Variants in SPAG16 observed in about 807,000 individuals in gnomAD.
SPAG16 encodes sperm associated antigen 16, also known as sperm-associated antigen 16 protein.
A neutral mutation model predicts 80.4 loss-of-function variants in SPAG16; 86 were observed. The observed-to-expected ratio is 1.07, with a 90% CI of 0.90 to 1.28. SPAG16 has a LOEUF of 1.28. Among genes scored for constraint, SPAG16 ranks in the 50% most tolerant of loss-of-function variants. The pLI is 0.00. For synonymous variants in SPAG16, 294 were observed against 265.9 expected, an observed-to-expected ratio of 1.11 and a Z score of -1.03; for missense variants, 870 against 765.3, an observed-to-expected ratio of 1.14 and a Z score of -1.61.
intron 15 of SPAG16, among the ~76,000 whole-genome samples, chr2:214,353,056 C>T (rs1698529726): frequency 6.6e-6 from 1 of 152,160 alleles, no homozygotes; most frequent in South Asian, 2.1e-4. Flanking sequence ...GCCCTTTCTA[C>T]TTGCATCTTC....
At chr2:213,861,711 C>T (rs187128231) in intron 10 of SPAG16, among the ~76,000 whole-genome samples, 1 of 152,218 alleles carries the variant, frequency 6.6e-6, no homozygotes, top group Admixed American at 6.5e-5. Context: ...CAGGCATTAA[C>T]CTTGTAGACT....
intron 9 of SPAG16, among the ~76,000 whole-genome samples, chr2:213,439,637 G>A (rs1004870196): frequency 6.6e-6 from 1 of 152,128 alleles, no homozygotes; most frequent in African/African-American, 2.4e-5. Flanking sequence ...AGATAATTAA[G>A]GGAAGAACTG....
At chr2:213,514,756 C>T (rs60281335) in intron 10 of SPAG16, among the ~76,000 whole-genome samples, 13,013 of 151,692 alleles carry the variant, frequency 0.086, 1,396 homozygotes, top group African/African-American at 0.25. Context: ...ATAATTTTAA[C>T]ACTGAAATTA....
intron 12 of SPAG16, among the ~76,000 whole-genome samples, chr2:214,008,440 TA>T (rs537087185): frequency 0.011 from 1,608 of 149,104 alleles, 32 homozygotes; most frequent in African/African-American, 0.036. Context: ...ATGTAGCATT[TA>T]AAAAAAAAAA....
chr2:213,423,093 A>C (rs1332612907), intron 9 of SPAG16, among the ~76,000 whole-genome samples: 2 of 152,192 alleles, frequency 1.3e-5, no homozygotes, highest in South Asian at 2.1e-4. Context: ...TGTTGATATA[A>C]ACTTTTATCT....
chr2:213,595,918 C>A (rs1168767428), intron 10 of SPAG16, among the ~76,000 whole-genome samples: 3 of 151,984 alleles, frequency 2.0e-5, no homozygotes, highest in Non-Finnish European at 4.4e-5. Context: ...ACTTTGATCA[C>A]CATTGTATAC....
intron 15 of SPAG16, among the ~76,000 whole-genome samples, chr2:214,310,309 A>G (rs765544120): frequency 6.6e-6 from 1 of 151,970 alleles, no homozygotes; most frequent in Non-Finnish European, 1.5e-5. Context: ...GTATGAATTC[A>G]TTGGTTATAG....
chr2:213,669,157 A>G (rs2125213634), intron 10 of SPAG16, among the ~76,000 whole-genome samples: 1 of 152,314 alleles, frequency 6.6e-6, no homozygotes, highest in Admixed American at 6.5e-5. Context: ...TTTTCAAACT[A>G]AAGTTGAGAA....
intron 10 of SPAG16, among the ~76,000 whole-genome samples, chr2:213,641,941 C>T (rs921709848): frequency 3.9e-5 from 6 of 152,172 alleles, no homozygotes; most frequent in African/African-American, 1.4e-4. Context: ...CACATACTTG[C>T]AAAACCATCA....
intron 15 of SPAG16, among the ~76,000 whole-genome samples, chr2:214,282,885 G>C (rs1185567876): frequency 6.6e-6 from 1 of 152,076 alleles, no homozygotes; most frequent in Non-Finnish European, 1.5e-5. Context: ...TAGCAGAGTG[G>C]ATTTTCTAAA....
chr2:213,849,189 G>A (rs1172535969), intron 10 of SPAG16, among the ~76,000 whole-genome samples: 1 of 152,106 alleles, frequency 6.6e-6, no homozygotes, highest in African/African-American at 2.4e-5. Context: ...CACACGGCAG[G>A]AGATGAAACG....
intron 10 of SPAG16, among the ~76,000 whole-genome samples, chr2:213,608,408 G>A (rs1450448427): frequency 6.6e-6 from 1 of 152,100 alleles, no homozygotes; most frequent in Non-Finnish European, 1.5e-5. Context: ...CCACCTATGA[G>A]TGAGAACATG....
At chr2:213,404,013 C>T (rs1435205027) in intron 9 of SPAG16, among the ~76,000 whole-genome samples, 33 of 151,976 alleles carry the variant, frequency 2.2e-4, no homozygotes. Context: ...ATGTGAAGGA[C>T]CTCTTCAAGG....
intron 10 of SPAG16, among the ~76,000 whole-genome samples, chr2:213,559,981 ATTCAAAGATAAAAATGCAACCTG>A (rs1265469028): frequency 6.6e-6 from 1 of 152,114 alleles, no homozygotes; most frequent in African/African-American, 2.4e-5. Flanking sequence ...ATTTTGAGAG[ATTCAAAGATAAAAATGCAACCTG>A]TTCCCTACCC....
At chr2:213,293,463 T>C (rs938430651) in intron 1 of SPAG16, among the ~76,000 whole-genome samples, 1 of 152,246 alleles carries the variant, frequency 6.6e-6, no homozygotes, top group Non-Finnish European at 1.5e-5. Context: ...TTAGAAAAGC[T>C]ATTGTGGCAT....
intron 3 of SPAG16, among the ~76,000 whole-genome samples, chr2:213,308,656 A>C (rs2063051140): frequency 6.6e-6 from 1 of 152,112 alleles, no homozygotes; most frequent in East Asian, 1.9e-4. Flanking sequence ...CATAGTTTGT[A>C]ATGATTTGAT....
chr2:213,692,804 G>A (rs1450533968), intron 10 of SPAG16, among the ~76,000 whole-genome samples: 6 of 147,620 alleles, frequency 4.1e-5, no homozygotes, highest in African/African-American at 1.5e-4. Context: ...TGCGAGACTC[G>A]GTCTCGAAAA....
At chr2:213,780,358 T>G (rs2069864255) in intron 10 of SPAG16, among the ~76,000 whole-genome samples, 1 of 152,216 alleles carries the variant, frequency 6.6e-6, no homozygotes, top group South Asian at 2.1e-4. Flanking sequence ...CCAGGTCTCT[T>G]CCCATTTTTC....
chr2:213,667,851 C>A (rs919770522), intron 10 of SPAG16, among the ~76,000 whole-genome samples: 1 of 151,742 alleles, frequency 6.6e-6, no homozygotes, highest in African/African-American at 2.4e-5. Flanking sequence ...TAGTTTTTTC[C>A]AGAGGGTGGT....
Sources: gnomAD v4.1 joint callset for allele counts (sites outside exome capture counted in the v4.1 genomes callset) on GRCh38, gnomAD v4.1.1 for gene constraint, MANE v1.5 for transcripts, NCBI Gene and HGNC (gene_info 2026-07-23, HGNC 2026-07-21) for gene names.